NPAS3: variants seen among roughly 807,000 people sequenced by gnomAD.
NPAS3 encodes the protein neuronal PAS domain protein 3.
NPAS3 carries 14 observed loss-of-function variants against 73.1 expected under a neutral mutation model. The observed-to-expected ratio is 0.19, with a 90% CI of 0.13 to 0.30. The LOEUF (loss-of-function observed/expected upper bound fraction) is 0.30, where lower values mean the gene tolerates loss of function less well. NPAS3 is among the 10% of genes least tolerant of loss of function. NPAS3 has a pLI of 1.00. For synonymous variants in NPAS3, 620 were observed against 541.5 expected (o/e 1.14, Z -2.01); for missense variants, 1,096 against 1,250.0 (o/e 0.88, Z 1.86).
chr14:33,072,357 A>G (rs1449840558), intron 2 of NPAS3, among the ~76,000 whole-genome samples: 1 of 152,244 alleles, frequency 6.6e-6, no homozygotes, highest in Non-Finnish European at 1.5e-5. Context: ...TTGTTCTAGT[A>G]TTATCACAGA....
chr14:33,772,294 G>C (rs746616256), intron 7 of NPAS3, among the ~76,000 whole-genome samples: 1 of 152,130 alleles, frequency 6.6e-6, no homozygotes, highest in Non-Finnish European at 1.5e-5. Context: ...AGAAAATTGC[G>C]AGTCGAGACT....
chr14:33,586,585 A>G (rs1328073012), intron 5 of NPAS3, among the ~76,000 whole-genome samples: 1 of 152,236 alleles, frequency 6.6e-6, no homozygotes, highest in Non-Finnish European at 1.5e-5. Flanking sequence ...TTGGAGATGT[A>G]TCATTTAGTA....
At chr14:33,609,180 C>G (rs956126016) in intron 5 of NPAS3, among the ~76,000 whole-genome samples, 3 of 152,090 alleles carry the variant, frequency 2.0e-5, no homozygotes, top group Admixed American at 6.5e-5. Context: ...AAAAAATGTG[C>G]TTTTTCTGTC....
intron 5 of NPAS3, among the ~76,000 whole-genome samples, chr14:33,575,174 A>G (rs886427432): frequency 1.1e-4 from 16 of 152,312 alleles, no homozygotes; most frequent in African/African-American, 3.9e-4. Context: ...TCATGCAATT[A>G]ACTTTTACCA....
At chr14:32,952,682 C>T (rs991075901) in intron 1 of NPAS3, among the ~76,000 whole-genome samples, 1 of 152,018 alleles carries the variant, frequency 6.6e-6, no homozygotes, top group African/African-American at 2.4e-5. Flanking sequence ...TACATATTTT[C>T]ATTGCTAACC....
At chr14:33,717,709 A>T in intron 6 of NPAS3, among the ~76,000 whole-genome samples, 1 of 152,080 alleles carries the variant, frequency 6.6e-6, no homozygotes, top group East Asian at 1.9e-4. Flanking sequence ...CCACATCTAG[A>T]TTCCGTTTAG....
chr14:33,365,329 A>G (rs1170355857), intron 3 of NPAS3, among the ~76,000 whole-genome samples: 4 of 152,090 alleles, frequency 2.6e-5, no homozygotes, highest in African/African-American at 9.7e-5. Flanking sequence ...TGCATTATCA[A>G]AAATGCCAAA....
chr14:33,287,824 T>C (rs1001690103), intron 3 of NPAS3, among the ~76,000 whole-genome samples: 8 of 152,180 alleles, frequency 5.3e-5, no homozygotes, highest in African/African-American at 1.9e-4. Flanking sequence ...GGTTGAAATA[T>C]GGACTAGAAC....
intron 2 of NPAS3, among the ~76,000 whole-genome samples, chr14:33,184,816 G>A (rs2045926372): frequency 1.3e-5 from 2 of 152,148 alleles, no homozygotes; most frequent in African/African-American, 4.8e-5. Context: ...GCACCAGTGG[G>A]GAGAGTCAAG....
intron 6 of NPAS3, among the ~76,000 whole-genome samples, chr14:33,718,263 A>T (rs2061011360): frequency 1.3e-5 from 2 of 151,240 alleles, no homozygotes. Context: ...TATTTTTCTC[A>T]TCCCTTAATC....
intron 6 of NPAS3, among the ~76,000 whole-genome samples, chr14:33,709,709 G>A (rs373055959): frequency 2.9e-4 from 44 of 152,236 alleles, no homozygotes; most frequent in African/African-American, 8.7e-4. Context: ...AAGGTTTACC[G>A]CCTGCTAATG....
chr14:33,801,493 G>C (rs1479532397), downstream of NPAS3: 1 of 251,710 alleles, frequency 4.0e-6, no homozygotes, highest in East Asian at 1.3e-4. Flanking sequence ...TAAAGATCTT[G>C]ATATGATCAA....
rs569289132 is a variant in NPAS3 at position 33,097,965 on chromosome 14, A to G, written c.140+41971A>G. On this transcript the variant is annotated intron_variant, in intron 2 of 11. Coordinates refer to ENST00000356141, the Ensembl canonical transcript of NPAS3. ...TTCCTCATATTTTTCCATTTCACTCATTTAATTGTATCTGTAGAGGAAAAA... is the reference window on the plus strand; with the variant it reads ...TTCCTCATATTTTTCCATTTCACTCGTTTAATTGTATCTGTAGAGGAAAAA... Among the ~76,000 whole-genome samples the G allele has an allele frequency of 1.4e-4, 22 of 152,210 alleles. 1 individual carries two copies. The South Asian group carries it at 4.6e-3, about 32-fold the overall frequency.
chr14:33,487,273 T>A (rs140987585), intron 4 of NPAS3, among the ~76,000 whole-genome samples: 104 of 152,348 alleles, frequency 6.8e-4, no homozygotes, highest in African/African-American at 2.0e-3. Flanking sequence ...CTTCATTCTC[T>A]TAACCAAGTC....
intron 5 of NPAS3, among the ~76,000 whole-genome samples, chr14:33,581,574 C>T (rs1218695570): frequency 6.6e-6 from 1 of 151,918 alleles, no homozygotes; most frequent in Non-Finnish European, 1.5e-5. Flanking sequence ...ATACTATGGG[C>T]GTTTTTGTCT....
intron 2 of NPAS3, among the ~76,000 whole-genome samples, chr14:33,109,270 T>G (rs1488592143): frequency 6.6e-6 from 1 of 152,252 alleles, no homozygotes; most frequent in East Asian, 1.9e-4. Flanking sequence ...AGAGGAAAAC[T>G]TTTAAATCTT....
intron 1 of NPAS3, among the ~76,000 whole-genome samples, chr14:33,051,388 C>T (rs1177623534): frequency 2.6e-5 from 4 of 151,952 alleles, no homozygotes; most frequent in Non-Finnish European, 5.9e-5. Flanking sequence ...AGCTTGTACT[C>T]TTACTTGCAA....
rs144143071 is a variant in NPAS3 at position 33,348,063 on chromosome 14, G to A, written c.386-19123G>A. 2.6e-4 allele frequency among the ~76,000 whole-genome samples: 40 copies of A among 152,246 alleles called. No individual in the cohort carries two copies. The East Asian group carries it at 7.2e-3, about 27-fold the overall frequency. ...GGGGGAGAGAGGGTTGGATGTCAAG[G>A]CAGGAATGTGTGGAGTATGCTCACA... is the stretch of plus-strand genomic sequence containing the variant. On this transcript the variant is annotated intron_variant, in intron 3 of 11. Coordinates refer to ENST00000356141, the Ensembl canonical transcript of NPAS3.
intron 2 of NPAS3, among the ~76,000 whole-genome samples, chr14:33,088,955 G>C (rs1201986870): frequency 1.3e-5 from 2 of 152,168 alleles, no homozygotes; most frequent in Non-Finnish European, 2.9e-5. Flanking sequence ...CAGACTTGCA[G>C]CTGAGGGTCC....
Sources: allele counts gnomAD v4.1 joint callset (sites outside exome capture counted in the v4.1 genomes callset), GRCh38; gene constraint gnomAD v4.1.1; transcripts MANE v1.5; gene names NCBI Gene and HGNC (gene_info 2026-07-23, HGNC 2026-07-21).